WWC1: variants seen among roughly 807,000 people sequenced by gnomAD.
The protein encoded by WWC1 is protein KIBRA.
Under a neutral mutation model 138.4 loss-of-function variants are expected in WWC1, and 55 were observed. That is an observed-to-expected ratio of 0.40 (90% CI 0.32 to 0.50). The LOEUF is 0.50. Ranked by LOEUF, WWC1 falls within the 20% of genes least tolerant of loss-of-function variation. The pLI, the probability that WWC1 is intolerant of heterozygous loss-of-function variation, is 0.72. For synonymous variants in WWC1, 524 were observed against 564.9 expected (o/e 0.93, Z 1.03); for missense variants, 1,226 against 1,420.4 (o/e 0.86, Z 2.20).
At chr5:168,439,067 C>T (rs1318542807) in intron 15 of WWC1, among the ~76,000 whole-genome samples, 1 of 151,992 alleles carries the variant, frequency 6.6e-6, no homozygotes, top group African/African-American at 2.4e-5. Context: ...ATGGTCACTC[C>T]CCCTGGCACC....
At chr5:168,315,349 A>G (rs1194272709) in intron 1 of WWC1, among the ~76,000 whole-genome samples, 1 of 152,000 alleles carries the variant, frequency 6.6e-6, no homozygotes, top group Non-Finnish European at 1.5e-5. Flanking sequence ...TTTATATGCT[A>G]CCCAGATGAT....
At chr5:168,298,956 G>A (rs10038320) in intron 1 of WWC1, among the ~76,000 whole-genome samples, 1 of 152,162 alleles carries the variant, frequency 6.6e-6, no homozygotes, top group Non-Finnish European at 1.5e-5. Context: ...GTGGTGGCAC[G>A]CACCTGTAAT....
At chr5:168,459,561 C>T (rs758909717) in intron 19 of WWC1, among the ~76,000 whole-genome samples, 1 of 152,170 alleles carries the variant, frequency 6.6e-6, no homozygotes, top group Non-Finnish European at 1.5e-5. Flanking sequence ...GAAACTGTCA[C>T]TGAAGCACCT....
At chr5:168,370,047 C>G (rs1373149067) in intron 1 of WWC1, among the ~76,000 whole-genome samples, 1 of 150,624 alleles carries the variant, frequency 6.6e-6, no homozygotes, top group Non-Finnish European at 1.5e-5. Flanking sequence ...ATTACAGGCA[C>G]CAGCCACCAT....
intron 3 of WWC1, among the ~76,000 whole-genome samples, chr5:168,396,441 T>G (rs1778912331): frequency 6.6e-6 from 1 of 152,142 alleles, no homozygotes; most frequent in South Asian, 2.1e-4. Flanking sequence ...TTTGGCTACA[T>G]GTGAACAGGA....
intron 20 of WWC1, among the ~76,000 whole-genome samples, chr5:168,463,675 C>T (rs1486770486): frequency 3.3e-5 from 5 of 152,024 alleles, no homozygotes; most frequent in African/African-American, 4.8e-5. Context: ...GGGTCTTTTA[C>T]GTATAGATAA....
In WWC1 at chr5:168,392,763, C is replaced by G. The variant is rs146261391; in HGVS notation, c.434-4961C>G. ...CAACTCACAGTCCACAAACCACACTCTAGTCAGCATTTTGGGCTCCCATCC... is the reference window on the plus strand; with the variant it reads ...CAACTCACAGTCCACAAACCACACTGTAGTCAGCATTTTGGGCTCCCATCC... On this transcript the variant is annotated intron_variant, in intron 3 of 22. Transcript: ENST00000265293. Among the ~76,000 whole-genome samples the G allele has an allele frequency of 4.8e-3, 735 of 152,270 alleles. 5 individuals carry two copies. The highest frequency in any genetic ancestry group is 0.017 in the African/African-American group (712 of 41,544).
In WWC1 at chr5:168,292,528, C is replaced by T. The variant is rs1451249539; in HGVS notation, c.119+257C>T. 2.0e-5 allele frequency among the ~76,000 whole-genome samples: 3 copies of T among 152,060 alleles called. No individual in the cohort carries two copies. Among genetic ancestry groups the T allele is most frequent in the Non-Finnish European group, 4.4e-5 (3 of 68,016 alleles). Reference sequence around the variant, plus strand: ...ATCCCCAGTTGGAGGACTTAGGCCCCAGCCGGCACCTGCCCGGAGTTTTGA... The same window carrying T: ...ATCCCCAGTTGGAGGACTTAGGCCCTAGCCGGCACCTGCCCGGAGTTTTGA... On this transcript the variant is annotated intron_variant, in intron 1 of 22. Transcript: ENST00000265293. This position sits in a 1 kb window ranked among gnomAD's most constrained non-coding sequence, Gnocchi z 4.4.
chr5:168,381,912 A>C (rs1393308786), intron 2 of WWC1, among the ~76,000 whole-genome samples: 2 of 151,682 alleles, frequency 1.3e-5, no homozygotes, highest in African/African-American at 2.4e-5. Context: ...TTGAGAACAG[A>C]AATTACCTGC....
chr5:168,367,045 G>A (rs565161278), intron 1 of WWC1, among the ~76,000 whole-genome samples: 17 of 151,898 alleles, frequency 1.1e-4, no homozygotes, highest in African/African-American at 3.9e-4. Flanking sequence ...TGATCCACCC[G>A]CCTCAGCCTC....
chr5:168,460,538 A>G, intron 19 of WWC1, 112 bp from the exon 20 acceptor site: 1 of 918,164 alleles, frequency 1.1e-6, no homozygotes. Flanking sequence ...TGTTTGCAGA[A>G]GGAGAGGAAG....
rs777477207 is a variant in WWC1 at position 168,423,916 on chromosome 5, A to G, written c.1658A>G (p.Asp553Gly). 3.7e-6 allele frequency: 6 copies of G among 1,612,886 alleles called. No individual in the cohort carries two copies. In the African/African-American group the frequency reaches 8.1e-5, roughly 22 times the overall value. The change falls in exon 11 of 23, where the codon GAC becomes GGC. Residue 553 changes from aspartate to glycine, a missense_variant. Asp to Gly is a moderately conservative substitution (Grantham distance 94). This residue lies in a region of WWC1 where 1,016 missense variants were observed against 1,153.9 expected (regional missense o/e 0.88). Coordinates refer to ENST00000265293, the MANE Select transcript of WWC1 (RefSeq NM_015238.3). ...CCACCCTGTTCCCCTCTCATGGCTG[A>G]CCCCCTCCTGGCTGGTGATGCCTTC... ...PSPPCSPLMA[D>G]PLLAGDAFLN...
At chr5:168,398,341 G>A (rs1410707879) in intron 4 of WWC1, among the ~76,000 whole-genome samples, 1 of 152,100 alleles carries the variant, frequency 6.6e-6, no homozygotes, top group Admixed American at 6.6e-5. Flanking sequence ...CTGACCTCGT[G>A]ATCCACCTGC....
At chr5:168,427,651 G>A (rs1352063495) in intron 11 of WWC1, among the ~76,000 whole-genome samples, 1 of 146,774 alleles carries the variant, frequency 6.8e-6, no homozygotes, top group Non-Finnish European at 1.5e-5. Flanking sequence ...TGGGAGTTCA[G>A]GCTCCCCGAA....
intron 2 of WWC1, 152 bp from the exon 3 acceptor site, chr5:168,385,059 A>T: frequency 1.4e-6 from 1 of 738,538 alleles, no homozygotes; most frequent in Non-Finnish European, 2.2e-6. Context: ...ATGGAGAATC[A>T]CTGTCATTTA....
At position 168,465,576 on chromosome 5, in the gene WWC1, T is replaced by TTTTTTTTG. The variant is rs1554118704; in HGVS notation, c.3150+614_3150+615insTTTTTTTG. 3.7e-5 allele frequency among the ~76,000 whole-genome samples: 5 copies of TTTTTTTTG among 136,128 alleles called. 1 individual carries two copies. Among genetic ancestry groups the TTTTTTTTG allele is most frequent in the African/African-American group, 1.4e-4 (5 of 34,530 alleles). 89.3% of individuals were successfully genotyped at this position (136,128 alleles called of 152,430 possible). On this transcript the variant is annotated intron_variant, in intron 21 of 22. Coordinates refer to ENST00000265293, the MANE Select transcript of WWC1 (RefSeq NM_015238.3). The stretch of plus-strand genomic sequence containing the variant: ...TTTTTTTTTTTTTTTTTTTTTTTTT[T>TTTTTTTTG]GGAGATGGGTTTTCTCTCTGTCGCC...
At chr5:168,389,234 G>A (rs1346990682) in intron 3 of WWC1, among the ~76,000 whole-genome samples, 1 of 151,924 alleles carries the variant, frequency 6.6e-6, no homozygotes, top group Non-Finnish European at 1.5e-5. Context: ...GGATCACGAG[G>A]TCAGGAGATC....
At chr5:168,397,240 T>C (rs1335406414) in intron 3 of WWC1, among the ~76,000 whole-genome samples, 1 of 152,008 alleles carries the variant, frequency 6.6e-6, no homozygotes, top group Non-Finnish European at 1.5e-5. Flanking sequence ...CCTCTCAGGT[T>C]CAAGCAATTC....
intron 15 of WWC1, among the ~76,000 whole-genome samples, chr5:168,435,535 C>A (rs1408689812): frequency 3.3e-5 from 5 of 152,148 alleles, no homozygotes; most frequent in Admixed American, 3.3e-4. Context: ...TTCAGCCTCT[C>A]CCATAGCTGG....
Sources: allele counts gnomAD v4.1 joint callset (sites outside exome capture counted in the v4.1 genomes callset), GRCh38; gene constraint gnomAD v4.1.1; regional missense constraint gnomAD v4.1.1; non-coding constraint Gnocchi (gnomAD v3.1); transcripts MANE v1.5; gene names NCBI Gene and HGNC (gene_info 2026-07-23, HGNC 2026-07-21).